Variants in CDH13 observed in about 807,000 individuals in gnomAD.
CDH13 encodes cadherin-13.
Under a neutral mutation model 63.8 loss-of-function variants are expected in CDH13, and 24 were observed. The ratio of observed to expected loss-of-function variants is 0.38; its 90% confidence interval spans 0.27 to 0.53. The LOEUF (loss-of-function observed/expected upper bound fraction) is 0.53, where lower values mean the gene tolerates loss of function less well. Ranked by LOEUF, CDH13 falls within the 20% of genes least tolerant of loss-of-function variation. The probability of loss-of-function intolerance (pLI) is 0.85; values close to 1 mark genes in which losing one functional copy is unlikely to be tolerated. For synonymous variants in CDH13, 503 were observed against 355.3 expected (o/e 1.42, Z -4.67); for missense variants, 1,049 against 903.1 (o/e 1.16, Z -2.07).
At chr16:83,040,954 T>G (rs1917279458) in intron 3 of CDH13, among the ~76,000 whole-genome samples, 1 of 152,172 alleles carries the variant, frequency 6.6e-6, no homozygotes, top group South Asian at 2.1e-4. Context: ...CCTGTATATA[T>G]TCAGGATTAT....
chr16:83,333,711 G>T (rs2090526071), intron 5 of CDH13, among the ~76,000 whole-genome samples: 1 of 152,234 alleles, frequency 6.6e-6, no homozygotes, highest in East Asian at 1.9e-4. Flanking sequence ...TGCTATGGTG[G>T]AAACTAAAAC....
chr16:82,710,552 A>AAATATAT lies in CDH13; in HGVS notation c.45+83416_45+83417insATATATA, dbSNP rs60196638. ...TGTCTCAAAAAAAAAAAAAAAAAAA[A>AAATATAT]ATATATATATATATATATATATATA... On this transcript the variant is annotated intron_variant, in intron 1 of 13. Transcript: ENST00000567109. Among the ~76,000 whole-genome samples, 155 of 63,658 alleles carry AAATATAT rather than the reference A, an allele frequency of 2.4e-3. 2 individuals are homozygous for AAATATAT. The highest frequency in any genetic ancestry group is 2.8e-3 in the Non-Finnish European group (93 of 33,276). 41.8% of individuals were successfully genotyped at this position (63,658 alleles called of 152,430 possible). A position where few individuals can be genotyped will look rare whatever the true frequency, so the allele number is the denominator to read the frequency against.
intron 4 of CDH13, 94 bp downstream of exon 4, chr16:83,125,595 T>A: frequency 1.5e-6 from 1 of 682,346 alleles, no homozygotes; most frequent in Non-Finnish European, 2.6e-6. Context: ...CCAGCTGGAA[T>A]TAGTCTTCAT....
intron 2 of CDH13, among the ~76,000 whole-genome samples, chr16:82,874,128 A>G (rs1199814610): frequency 2.0e-5 from 3 of 152,174 alleles, no homozygotes; most frequent in Admixed American, 1.3e-4. Flanking sequence ...TGGCATTTCA[A>G]TAGTAAAACA....
chr16:83,763,223 C>A (rs1276043973), intron 11 of CDH13, among the ~76,000 whole-genome samples: 4 of 152,096 alleles, frequency 2.6e-5, no homozygotes, highest in Admixed American at 2.0e-4. Flanking sequence ...CAAGAAGACA[C>A]ACAGATATAG....
intron 3 of CDH13, among the ~76,000 whole-genome samples, chr16:83,054,045 A>G (rs1404427129): frequency 1.3e-5 from 2 of 152,214 alleles, no homozygotes; most frequent in Admixed American, 1.3e-4. Context: ...TTACAACTGC[A>G]TACAGTATTC....
intron 3 of CDH13, among the ~76,000 whole-genome samples, chr16:83,112,053 G>A (rs2035082197): frequency 6.6e-6 from 1 of 152,132 alleles, no homozygotes; most frequent in African/African-American, 2.4e-5. Flanking sequence ...AGAGTTCTAG[G>A]GCTTTGTTCC....
At chr16:83,700,374 G>T (rs1275602376) in intron 10 of CDH13, among the ~76,000 whole-genome samples, 3 of 152,114 alleles carry the variant, frequency 2.0e-5, no homozygotes, top group Admixed American at 1.3e-4. Context: ...GACCAAAAGG[G>T]CTCTCTGTCT....
At chr16:82,790,711 A>C (rs142350552) in intron 1 of CDH13, among the ~76,000 whole-genome samples, 16 of 152,322 alleles carry the variant, frequency 1.1e-4, no homozygotes, top group African/African-American at 3.8e-4. Context: ...CAATCATAGC[A>C]GTGGCAGAAG....
At chr16:82,702,138 C>T (rs549100667) in intron 1 of CDH13, among the ~76,000 whole-genome samples, 61 of 152,264 alleles carry the variant, frequency 4.0e-4, no homozygotes, top group African/African-American at 1.2e-3. Context: ...GTGTGTGCTG[C>T]GTGTTTGCTC....
At chr16:83,181,209 G>A in intron 4 of CDH13, 3 of 445,086 alleles carry the variant, frequency 6.7e-6, no homozygotes, top group Admixed American at 3.9e-5. Flanking sequence ...AAGTCATTTA[G>A]TATTAGGGGA....
At chr16:83,793,267 G>C (rs1372447045) in intron 13 of CDH13, among the ~76,000 whole-genome samples, 2 of 152,128 alleles carry the variant, frequency 1.3e-5, no homozygotes, top group African/African-American at 4.8e-5. Flanking sequence ...GTGCTTGCGA[G>C]GAGTAAGGTG....
chr16:83,026,335 C>G (rs34779192), intron 2 of CDH13, among the ~76,000 whole-genome samples: 19 of 152,310 alleles, frequency 1.2e-4, no homozygotes, highest in Admixed American at 9.1e-4. Flanking sequence ...GGTTCTCGCT[C>G]TAGGCCTTTC....
At chr16:83,624,144 A>T (rs1393876830) in intron 8 of CDH13, among the ~76,000 whole-genome samples, 1 of 152,096 alleles carries the variant, frequency 6.6e-6, no homozygotes, top group Non-Finnish European at 1.5e-5. Flanking sequence ...TGTTGGCTTT[A>T]TTCTCTGCTA....
intron 5 of CDH13, among the ~76,000 whole-genome samples, chr16:83,295,195 G>T (rs1168964225): frequency 6.6e-6 from 1 of 152,068 alleles, no homozygotes; most frequent in East Asian, 1.9e-4. Context: ...AATGAAATTG[G>T]ACTCCTATCT....
chr16:82,683,304 C>T (rs1914743803), intron 1 of CDH13, among the ~76,000 whole-genome samples: 1 of 152,174 alleles, frequency 6.6e-6, no homozygotes. Flanking sequence ...TCTAGCTTGT[C>T]TGCTTATCAC....
At chr16:83,021,890 A>T (rs963447157) in intron 2 of CDH13, among the ~76,000 whole-genome samples, 1 of 152,198 alleles carries the variant, frequency 6.6e-6, no homozygotes, top group African/African-American at 2.4e-5. Context: ...AGAAATAATC[A>T]AGTCTGTAGG....
At chr16:82,756,198 T>C (rs1013894674) in intron 1 of CDH13, among the ~76,000 whole-genome samples, 11 of 152,192 alleles carry the variant, frequency 7.2e-5, no homozygotes, top group Non-Finnish European at 1.5e-4. Flanking sequence ...CAACAGGTTC[T>C]TGGCTAAGCA....
intron 5 of CDH13, among the ~76,000 whole-genome samples, chr16:83,304,950 A>T (rs1323114872): frequency 6.6e-6 from 1 of 152,148 alleles, no homozygotes; most frequent in African/African-American, 2.4e-5. Context: ...CCCACTTTTC[A>T]TATTTTACAA....
Sources: allele counts gnomAD v4.1 joint callset (sites outside exome capture counted in the v4.1 genomes callset), GRCh38; gene constraint gnomAD v4.1.1; transcripts MANE v1.5; gene names NCBI Gene and HGNC (gene_info 2026-07-23, HGNC 2026-07-21).